PUS7L: variants seen among roughly 807,000 people sequenced by gnomAD.
PUS7L encodes the protein pseudouridine synthase 7 like.
A neutral mutation model predicts 51.1 loss-of-function variants in PUS7L; 49 were observed. The ratio of observed to expected loss-of-function variants is 0.96; its 90% CI spans 0.76 to 1.22. The LOEUF (loss-of-function observed/expected upper bound fraction) is 1.22, where lower values mean the gene tolerates loss of function less well. Among genes scored for constraint, PUS7L ranks in the 50% most tolerant of loss-of-function variants. The pLI is 0.00. For missense variants in PUS7L, 828 were observed against 820.6 expected, an observed-to-expected ratio of 1.01 and a Z score of -0.11; for synonymous variants, 277 against 276.2, an observed-to-expected ratio of 1.00 and a Z score of -0.03.
chr12:43,743,287 G>A (rs1158632471), intron 4 of PUS7L, among the ~76,000 whole-genome samples: 1 of 152,172 alleles, frequency 6.6e-6, no homozygotes, highest in Non-Finnish European at 1.5e-5. Context: ...GAAAACACCA[G>A]GCCCAGACAG....
Position 43,748,528 on chromosome 12 carries a change from T to C in PUS7L, c.992A>G (p.Asp331Gly). Residue 331 changes from aspartate (D) to glycine (G), a missense_variant, in exon 3 of 9, where the codon GAT (aspartate) becomes GGT (glycine). By Grantham distance (94) the Asp-to-Gly change is moderately conservative (BLOSUM62 -1). Transcript: ENST00000344862. Reference sequence around the variant, plus strand: ...GTCTTTAAGGCCTGCATAACTAAAATCCGAAGGAATAACACCAAGTTTGAT... The same window carrying C: ...GTCTTTAAGGCCTGCATAACTAAAACCCGAAGGAATAACACCAAGTTTGAT... ...LAIKLGVIPS[D>G]FSYAGLKDKK... 6.8e-6 allele frequency: 11 copies of C among 1,611,892 alleles called. No individual in the cohort carries two copies. The highest frequency in any genetic ancestry group is 9.3e-6 in the Non-Finnish European group (11 of 1,179,400).
chr12:43,739,276 A>G (rs947562976), intron 5 of PUS7L: 16 of 152,332 alleles, frequency 1.1e-4, no homozygotes, highest in African/African-American at 3.9e-4. Flanking sequence ...AAGATGTAGA[A>G]TGCCTCGCTC....
intron 3 of PUS7L, among the ~76,000 whole-genome samples, chr12:43,747,186 A>G (rs745501431): frequency 2.0e-5 from 3 of 152,210 alleles, no homozygotes; most frequent in East Asian, 1.9e-4. Flanking sequence ...TAAGGAAATT[A>G]TAAGTTACAG....
chr12:43,737,549 T>G (rs150255935), intron 6 of PUS7L, among the ~76,000 whole-genome samples: 1,624 of 151,294 alleles, frequency 0.011, 11 homozygotes, highest in Non-Finnish European at 0.016. Flanking sequence ...GTGTGCTTGC[T>G]GTTTTTATTA....
intron 2 of PUS7L, among the ~76,000 whole-genome samples, chr12:43,753,346 T>A (rs1483643800): frequency 2.0e-5 from 3 of 152,222 alleles, no homozygotes; most frequent in African/African-American, 7.2e-5. Flanking sequence ...TTCCCATTTT[T>A]ACATTTGTGA....
At chr12:43,738,527 G>C in intron 5 of PUS7L, 136 bp from the exon 6 acceptor site, 1 of 592,472 alleles carries the variant, frequency 1.7e-6, no homozygotes. Flanking sequence ...TTTCTCTTTA[G>C]GCTTGCAAAA....
At chr12:43,752,693 G>T (rs1331790209) in intron 2 of PUS7L, among the ~76,000 whole-genome samples, 2 of 152,108 alleles carry the variant, frequency 1.3e-5, no homozygotes, top group African/African-American at 2.4e-5. Flanking sequence ...AATCCATAGA[G>T]ACAGAATGAA....
At position 43,730,298 on chromosome 12, in the gene PUS7L, A is replaced by G. The variant is rs1944518496; in HGVS notation, c.*78T>C. 1.0e-6 allele frequency: 1 copy of G among 984,444 alleles called. No individual in the cohort carries two copies. Among genetic ancestry groups the G allele is most frequent in the African/African-American group, 1.6e-5 (1 of 61,032 alleles). 61.0% of individuals were successfully genotyped at this position (984,444 alleles called of 1,614,324 possible). Reference sequence around the variant, plus strand: ...ATAACAATTATGAAGTTCCTAACACATGGAAGGTGCTTAAGACATTTTAGC... The same window carrying G: ...ATAACAATTATGAAGTTCCTAACACGTGGAAGGTGCTTAAGACATTTTAGC... On this transcript the variant is annotated 3_prime_UTR_variant, in exon 9 of 9. Coordinates refer to ENST00000344862, the MANE Select transcript of PUS7L (RefSeq NM_031292.5).
chr12:43,727,781 C>G lies in PUS7L; in HGVS notation c.*2595G>C, dbSNP rs1455172027. 1 of 152,084 alleles carries G rather than the reference C, an allele frequency of 6.6e-6. No homozygotes were observed. Among genetic ancestry groups the G allele is most frequent in the Non-Finnish European group, 1.5e-5 (1 of 68,024 alleles). 9.4% of individuals were successfully genotyped at this position (152,084 alleles called of 1,614,324 possible). On this transcript the variant is annotated 3_prime_UTR_variant, in exon 9 of 9. Coordinates refer to ENST00000344862, the MANE Select transcript of PUS7L (RefSeq NM_031292.5). ...AAATAATTTGTATGCAGAACTCCCA[C>G]AAAATGCAATTTACCCATGTAACAA...
rs1403641011 is a variant in PUS7L, at chr12:43,754,448, A to G, written c.798T>C (p.Asn266=). 3 of 1,613,916 alleles carry G rather than the reference A, an allele frequency of 1.9e-6. No homozygotes were observed. The Admixed American group carries it at 5.0e-5, about 27-fold the overall frequency. The change falls in exon 2 of 9, where the codon AAT becomes AAC. Residue 266 remains asparagine, a synonymous_variant. Coordinates refer to ENST00000344862, the MANE Select transcript of PUS7L (RefSeq NM_031292.5). ...LVETKSFSKM[N]CSAGNPNVVV... is the part of the protein sequence containing the mutation. Reference sequence around the variant, plus strand: ...CCACATTCGGATTACCAGCACTGCAATTCATTTTAGAAAAAGATTTGGTTT... The same window carrying G: ...CCACATTCGGATTACCAGCACTGCAGTTCATTTTAGAAAAAGATTTGGTTT...
chr12:43,725,912 T>C lies in PUS7L; in HGVS notation c.*4464A>G, dbSNP rs1261041247. On this transcript the variant is annotated 3_prime_UTR_variant, in exon 9 of 9. Transcript: ENST00000344862. ...ATTAAAGTGTGAGATACTGACATAA[T>C]AGATACTCAGAAAATGTTAGTTAAA... is the stretch of plus-strand genomic sequence containing the variant. 2 of 152,120 alleles carry C rather than the reference T, an allele frequency of 1.3e-5. No homozygotes were observed. Among genetic ancestry groups the C allele is most frequent in the East Asian group, 3.8e-4 (2 of 5,196 alleles). The allele number at this position is 152,120 out of a possible 1,614,324, so 9.4% of individuals were successfully genotyped here.
Position 43,722,439 on chromosome 12 carries a change from T to C in PUS7L, c.*7937A>G, listed in dbSNP as rs1373845766. ...AGACATAAAAAATAGTCATCAAATG[T>C]TTTCAATGCATTGGGATAATGCTCT... is the stretch of plus-strand genomic sequence containing the variant. On this transcript the variant is annotated 3_prime_UTR_variant, in exon 9 of 9. Transcript: ENST00000344862. 2 of 152,130 alleles carry C rather than the reference T, an allele frequency of 1.3e-5. No homozygotes were observed. Among genetic ancestry groups the C allele is most frequent in the African/African-American group, 2.4e-5 (1 of 41,444 alleles). The allele number at this position is 152,130 out of a possible 1,614,324, so 9.4% of individuals were successfully genotyped here. A position where few individuals can be genotyped will look rare whatever the true frequency, so the allele number is the denominator to read the frequency against.
intron 7 of PUS7L, among the ~76,000 whole-genome samples, chr12:43,735,124 G>A (rs1266500530): frequency 6.6e-6 from 1 of 151,814 alleles, no homozygotes; most frequent in Non-Finnish European, 1.5e-5. Context: ...GACCATCCTG[G>A]CTAACATGGT....
Position 43,730,651 on chromosome 12 carries a change from C to T in PUS7L, c.1831G>A (p.Gly611Arg). 1.2e-6 allele frequency: 2 copies of T among 1,613,500 alleles called. No individual in the cohort carries two copies. Among genetic ancestry groups the T allele is most frequent in the Admixed American group, 1.7e-5 (1 of 60,008 alleles). The change falls in exon 9 of 9, where the codon GGG (glycine) becomes AGG (arginine). Residue 611 changes from glycine (G) to arginine (R), a missense_variant. Coordinates refer to ENST00000344862, the MANE Select transcript of PUS7L (RefSeq NM_031292.5). Reference protein sequence around the residue: ...YNIQYPKNKVGQWYHDILSRD... With the variant: ...YNIQYPKNKVRQWYHDILSRD... ...CTAAGTATGTCATGGTACCACTGCC[C>T]TACTTTGTTCTTCGGGTACTGAATA...
rs559949347 is a variant in PUS7L at position 43,743,407 on chromosome 12, C to T, written c.1264-852G>A. 4.6e-5 allele frequency among the ~76,000 whole-genome samples: 7 copies of T among 152,268 alleles called. No individual in the cohort carries two copies. The East Asian group carries it at 5.8e-4, about 13-fold the overall frequency. Reference sequence around the variant, plus strand: ...CTCAAGAACTTTTTAATAAAAGATGCGGAGCCAATTTGTTATCAGCATGGT... The same window carrying T: ...CTCAAGAACTTTTTAATAAAAGATGTGGAGCCAATTTGTTATCAGCATGGT... On this transcript the variant is annotated intron_variant, in intron 4 of 8. Coordinates refer to ENST00000344862, the MANE Select transcript of PUS7L (RefSeq NM_031292.5).
At chr12:43,735,026 A>C (rs990728559) in intron 7 of PUS7L, among the ~76,000 whole-genome samples, 6 of 152,220 alleles carry the variant, frequency 3.9e-5, no homozygotes, top group Non-Finnish European at 7.4e-5. Context: ...AGATAAAAAC[A>C]ACTGGATGGC....
At chr12:43,737,167 C>A (rs1283987063) in intron 6 of PUS7L, among the ~76,000 whole-genome samples, 1 of 152,122 alleles carries the variant, frequency 6.6e-6, no homozygotes. Context: ...CTGGAATCTA[C>A]CACAAAGATG....
Position 43,719,790 on chromosome 12 carries a change from C to T in PUS7L, c.*10586G>A, listed in dbSNP as rs1017618457. ...TCTATTATCTTTTTAATTTTTACAGCACCTATAGTGATTTCCTTTCCAATT... is the reference window on the plus strand; with the variant it reads ...TCTATTATCTTTTTAATTTTTACAGTACCTATAGTGATTTCCTTTCCAATT... On this transcript the variant is annotated 3_prime_UTR_variant, in exon 9 of 9. Coordinates refer to ENST00000344862, the MANE Select transcript of PUS7L (RefSeq NM_031292.5). The T allele has an allele frequency of 3.3e-5, 5 of 152,098 alleles. No homozygotes were observed. Among genetic ancestry groups the T allele is most frequent in the Admixed American group, 2.6e-4 (4 of 15,262 alleles). The allele number at this position is 152,098 out of a possible 1,614,324, so 9.4% of individuals were successfully genotyped here.
Position 43,722,576 on chromosome 12 carries a change from G to A in PUS7L, c.*7800C>T, listed in dbSNP as rs1245897705. 1 of 151,852 alleles carries A rather than the reference G, an allele frequency of 6.6e-6. No individual in the cohort carries two copies. Among genetic ancestry groups the A allele is most frequent in the African/African-American group, 2.4e-5 (1 of 41,342 alleles). The allele number at this position is 151,852 out of a possible 1,614,324, so 9.4% of individuals were successfully genotyped here. Reference sequence around the variant, plus strand: ...TTCGATTCCTTTGCGATATTTTATAGAAAAATAAATTAGTTTCCTTTTGAA... The same window carrying A: ...TTCGATTCCTTTGCGATATTTTATAAAAAAATAAATTAGTTTCCTTTTGAA... On this transcript the variant is annotated 3_prime_UTR_variant, in exon 9 of 9. Transcript: ENST00000344862.
Sources: gnomAD v4.1 joint callset for allele counts (sites outside exome capture counted in the v4.1 genomes callset) on GRCh38, gnomAD v4.1.1 for gene constraint, MANE v1.5 for transcripts, NCBI Gene and HGNC (gene_info 2026-07-23, HGNC 2026-07-21) for gene names.